Variants in CREB5 observed in about 807,000 individuals in gnomAD.
CREB5 encodes the protein cyclic AMP-responsive element-binding protein 5.
In CREB5, 19 loss-of-function variants were observed where a neutral mutation model predicts 57.1. The ratio of observed to expected loss-of-function variants is 0.33; its 90% CI spans 0.23 to 0.49. The LOEUF (loss-of-function observed/expected upper bound fraction) is 0.49, where lower values mean the gene tolerates loss of function less well. Among genes scored for constraint, CREB5 ranks in the 20% least tolerant of loss-of-function variants. CREB5 has a pLI of 0.99. For missense variants in CREB5, 579 were observed against 671.6 expected, an observed-to-expected ratio of 0.86 and a Z score of 1.52; for synonymous variants, 238 against 238.3, an observed-to-expected ratio of 1.00 and a Z score of 0.01.
chr7:28,491,982 G>A (rs1160557177), intron 2 of CREB5, among the ~76,000 whole-genome samples: 1 of 152,014 alleles, frequency 6.6e-6, no homozygotes, highest in Non-Finnish European at 1.5e-5. Flanking sequence ...TACGTGGGAG[G>A]TTTTTTTGTT....
intron 7 of CREB5, among the ~76,000 whole-genome samples, chr7:28,764,761 A>G (rs545848487): frequency 2.6e-5 from 4 of 152,362 alleles, no homozygotes; most frequent in Non-Finnish European, 5.9e-5. Context: ...GTAATTGAGG[A>G]TTTAATTCTT....
chr7:28,757,338 G>A (rs1468447), intron 7 of CREB5, among the ~76,000 whole-genome samples: 102,610 of 152,024 alleles, frequency 0.67, 35,343 homozygotes, highest in East Asian at 0.81. Flanking sequence ...CTATGCCACT[G>A]TAACAATGGG....
At chr7:28,418,497 T>A (rs1180316519) in intron 1 of CREB5, among the ~76,000 whole-genome samples, 1 of 152,182 alleles carries the variant, frequency 6.6e-6, no homozygotes, top group Admixed American at 6.5e-5. Flanking sequence ...CATCCCCAAA[T>A]TCATGAGTCA....
At chr7:28,499,423 C>T (rs1355714430) in intron 3 of CREB5, among the ~76,000 whole-genome samples, 3 of 151,440 alleles carry the variant, frequency 2.0e-5, no homozygotes, top group African/African-American at 4.9e-5. Context: ...TGTGCTCACA[C>T]GTGTGTGTGT....
chr7:28,411,165 A>G (rs1787780929), upstream of CREB5, among the ~76,000 whole-genome samples: 1 of 152,204 alleles, frequency 6.6e-6, no homozygotes, highest in South Asian at 2.1e-4. Context: ...GCAAATCAGG[A>G]AATGTTTGCA....
intron 5 of CREB5, among the ~76,000 whole-genome samples, chr7:28,607,021 T>C (rs1797158755): frequency 6.6e-6 from 1 of 152,172 alleles, no homozygotes; most frequent in Non-Finnish European, 1.5e-5. Context: ...TCTCATCATC[T>C]TACACTGGTA....
Position 28,560,882 on chromosome 7 carries a change from G to C in CREB5, c.292-9483G>C, listed in dbSNP as rs1795134796. Among the ~76,000 whole-genome samples, 21 of 19,110 alleles carry C rather than the reference G, an allele frequency of 1.1e-3. 4 individuals carry two copies. The highest frequency in any genetic ancestry group is 5.7e-3 in the African/African-American group (21 of 3,674). 12.5% of individuals were successfully genotyped at this position (19,110 alleles called of 152,430 possible). A position where few individuals can be genotyped will look rare whatever the true frequency, so the allele number is the denominator to read the frequency against. The stretch of plus-strand genomic sequence containing the variant: ...TGCGTGTGCCTGCGTGCGCGTGCGT[G>C]CGTGCGTGTGTGTGCGTGCGCGCGT... On this transcript the variant is annotated intron_variant, in intron 4 of 10. Transcript: ENST00000357727.
At chr7:28,501,381 TGTAA>T (rs1228685616) in intron 3 of CREB5, among the ~76,000 whole-genome samples, 2 of 152,270 alleles carry the variant, frequency 1.3e-5, no homozygotes, top group Non-Finnish European at 2.9e-5. Context: ...ACAAATAGAA[TGTAA>T]GTGTTACTGG....
At chr7:28,617,345 A>G (rs1797630540) in intron 5 of CREB5, among the ~76,000 whole-genome samples, 2 of 152,218 alleles carry the variant, frequency 1.3e-5, no homozygotes, top group Admixed American at 1.3e-4. Flanking sequence ...GAATGCACAC[A>G]GGTCAGAAGT....
chr7:28,360,355 G>T (rs1197957856), intron 1 of CREB5, among the ~76,000 whole-genome samples: 2 of 152,100 alleles, frequency 1.3e-5, no homozygotes, highest in East Asian at 3.8e-4. Flanking sequence ...AAAAAATAGG[G>T]TATCTATCCA....
intron 5 of CREB5, among the ~76,000 whole-genome samples, chr7:28,629,648 C>A (rs1213237897): frequency 1.3e-5 from 2 of 152,182 alleles, no homozygotes; most frequent in Non-Finnish European, 2.9e-5. Context: ...CTGGGATGAC[C>A]TTTGCTTCAT....
At chr7:28,519,036 T>C (rs937005307) in intron 4 of CREB5, among the ~76,000 whole-genome samples, 7 of 152,214 alleles carry the variant, frequency 4.6e-5, no homozygotes, top group Non-Finnish European at 1.5e-5. Flanking sequence ...CACTAGAGCA[T>C]CTCACTTTGA....
rs532185310 is a variant in CREB5 at position 28,640,536 on chromosome 7, G to A, written c.464+69999G>A. Among the ~76,000 whole-genome samples, 34 of 152,250 alleles carry A rather than the reference G, an allele frequency of 2.2e-4. No homozygotes were observed. In the South Asian group the frequency reaches 6.8e-3, roughly 31 times the overall value. On this transcript the variant is annotated intron_variant, in intron 5 of 10. Coordinates refer to ENST00000357727, the MANE Select transcript of CREB5 (RefSeq NM_182898.4). Reference sequence around the variant, plus strand: ...CACATGACTGCTTGCGACAAAATTAGATTAAGAAAAATTACATAGAAAGTG... The same window carrying A: ...CACATGACTGCTTGCGACAAAATTAAATTAAGAAAAATTACATAGAAAGTG...
intron 1 of CREB5, among the ~76,000 whole-genome samples, chr7:28,433,803 T>G (rs1179531547): frequency 6.6e-6 from 1 of 151,914 alleles, no homozygotes; most frequent in Non-Finnish European, 1.5e-5. Flanking sequence ...GAACACAGTT[T>G]ACGTTTAGAA....
At chr7:28,719,830 G>A (rs1802916177) in intron 6 of CREB5, among the ~76,000 whole-genome samples, 2 of 152,204 alleles carry the variant, frequency 1.3e-5, no homozygotes, top group South Asian at 4.1e-4. Flanking sequence ...GGGAGGCCAA[G>A]GTGGGTAGAT....
intron 7 of CREB5, among the ~76,000 whole-genome samples, chr7:28,747,016 A>G (rs1392569037): frequency 1.3e-5 from 2 of 152,224 alleles, no homozygotes; most frequent in Admixed American, 6.5e-5. Flanking sequence ...AATATTTCAA[A>G]TATGGCTTTT....
chr7:28,353,099 G>A (rs767203441), intron 1 of CREB5, among the ~76,000 whole-genome samples: 2 of 151,094 alleles, frequency 1.3e-5, no homozygotes, highest in Admixed American at 6.6e-5. Context: ...TTTTTGTTTT[G>A]TTTTTGTTTT....
At chr7:28,413,746 T>C (rs1281180384) in intron 1 of CREB5, among the ~76,000 whole-genome samples, 1 of 152,186 alleles carries the variant, frequency 6.6e-6, no homozygotes, top group East Asian at 1.9e-4. Context: ...ATGTCACAGC[T>C]TTTATTTGAA....
chr7:28,356,159 A>G (rs1357916777), intron 1 of CREB5, among the ~76,000 whole-genome samples: 1 of 152,260 alleles, frequency 6.6e-6, no homozygotes, highest in Non-Finnish European at 1.5e-5. Flanking sequence ...GAATGCAGAT[A>G]GGTAAATAAA....
Sources: gnomAD v4.1 joint callset for allele counts (sites outside exome capture counted in the v4.1 genomes callset) on GRCh38, gnomAD v4.1.1 for gene constraint, MANE v1.5 for transcripts, NCBI Gene and HGNC (gene_info 2026-07-23, HGNC 2026-07-21) for gene names.